The following ADPRHL1 variants were observed in gnomAD, a reference collection of about 807,000 sequenced individuals.
ADPRHL1 encodes inactive ADP-ribosyltransferase ARH2.
ADPRHL1 carries 43 observed loss-of-function variants against 44.1 expected under a neutral mutation model. The ratio of observed to expected loss-of-function variants is 0.98; its 90% CI spans 0.76 to 1.26. The LOEUF (loss-of-function observed/expected upper bound fraction) is 1.26. Ranked by LOEUF, ADPRHL1 falls within the 50% of genes most tolerant of loss-of-function variation. The probability of loss-of-function intolerance (pLI) is 0.00; values close to 1 mark genes in which losing one functional copy is unlikely to be tolerated. For missense variants in ADPRHL1, 2,022 were observed against 2,496.9 expected, an observed-to-expected ratio of 0.81 and a Z score of 4.05; for synonymous variants, 878 against 1,017.4, an observed-to-expected ratio of 0.86 and a Z score of 2.61.
rs1305335716 is a variant in ADPRHL1, at chr13:113,405,021, C to T, written c.4261G>A (p.Asp1421Asn). ...GCCATCCCTTTGTCCCCGGCCAGAT[C>T]CTGTGCCCACCATGTCTGAGGCTCT... ...AKEPQTWWAQ[D>N]LAGDKGMAIG... Residue 1421 changes from aspartate to asparagine, a missense_variant, in exon 8 of 8, where the codon GAT (aspartate) becomes AAT (asparagine). Transcript: ENST00000612156. 2.4e-6 allele frequency: 3 copies of T among 1,232,960 alleles called. No individual in the cohort carries two copies. Among genetic ancestry groups the T allele is most frequent in the Non-Finnish European group, 3.0e-6 (3 of 988,898 alleles). 76.4% of individuals were successfully genotyped at this position (1,232,960 alleles called of 1,614,324 possible). A position where few individuals can be genotyped will look rare whatever the true frequency, so the allele number is the denominator to read the frequency against.
intron 4 of ADPRHL1, among the ~76,000 whole-genome samples, 169 bp downstream of exon 4, chr13:113,428,783 G>T (rs1365882196): frequency 6.6e-6 from 1 of 152,260 alleles, no homozygotes; most frequent in Non-Finnish European, 1.5e-5. Flanking sequence ...CTGGTCAGGA[G>T]CAGCATGGGG....
In ADPRHL1 at chr13:113,453,174, G is replaced by C; in HGVS notation, c.214+50C>G. 1 of 1,598,680 alleles carries C rather than the reference G, an allele frequency of 6.3e-7. No individual in the cohort carries two copies. The highest frequency in any genetic ancestry group is 8.6e-7 in the Non-Finnish European group (1 of 1,167,588). On this transcript the variant is annotated intron_variant, in intron 1 of 7. Transcript: ENST00000612156. This position sits in a 1 kb window ranked among gnomAD's most constrained non-coding sequence, Gnocchi z 5.4. ...GAGGCTTACTGGGAGAACTCGAGCAGCCAGTGTTCCCTCCAGCCCGCACAC... is the reference window on the plus strand; with the variant it reads ...GAGGCTTACTGGGAGAACTCGAGCACCCAGTGTTCCCTCCAGCCCGCACAC...
At chr13:113,447,321 G>A (rs1428132603) in intron 1 of ADPRHL1, among the ~76,000 whole-genome samples, 2 of 146,718 alleles carry the variant, frequency 1.4e-5, no homozygotes, top group Non-Finnish European at 3.0e-5. Flanking sequence ...TACACGCACG[G>A]TGTTGTGTGT....
chr13:113,403,952 CG>C lies in ADPRHL1; in HGVS notation c.5329del (p.Arg1777GlyfsTer10). The C allele has an allele frequency of 7.8e-7, 1 of 1,275,222 alleles. No homozygotes were observed. The highest frequency in any genetic ancestry group is 1.6e-5 in the African/African-American group (1 of 62,932). 79.0% of individuals were successfully genotyped at this position (1,275,222 alleles called of 1,614,324 possible). On this transcript the variant is annotated frameshift_variant, in exon 8 of 8. Coordinates refer to ENST00000612156, the MANE Select transcript of ADPRHL1 (RefSeq NM_001394807.1). LOFTEE classifies it low-confidence loss of function (END_TRUNC). ...GAQEWARDRA[R>X]DQGWEQTQIE... ...CTGGGTCTGCTCCCAGCCCTGATCCCGAGCCCGATCCCGAGCCCATTCCTGA... is the reference window on the plus strand; with the variant it reads ...CTGGGTCTGCTCCCAGCCCTGATCCCAGCCCGATCCCGAGCCCATTCCTGA...
Position 113,406,182 on chromosome 13 carries a change from T to G in ADPRHL1, c.3100A>C (p.Asn1034His). The G allele has an allele frequency of 8.1e-7, 1 of 1,232,160 alleles. No homozygotes were observed. The highest frequency in any genetic ancestry group is 1.0e-6 in the Non-Finnish European group (1 of 988,000). The allele number at this position is 1,232,160 out of a possible 1,614,324, so 76.3% of individuals were successfully genotyped here. A position where few individuals can be genotyped will look rare whatever the true frequency, so the allele number is the denominator to read the frequency against. ...SQQVPSPTGR[N>H]PTGAPTSLAA... is the part of the protein sequence containing the mutation. The stretch of plus-strand genomic sequence containing the variant: ...AGTGACGTGGGGGCTCCTGTTGGGT[T>G]TCTCCCAGTCGGGGACGGCACTTGC... Residue 1034 changes from asparagine to histidine, a missense_variant, in exon 8 of 8, where the codon AAC (asparagine) becomes CAC (histidine). Around this residue, in one of 8 missense-constraint regions of ADPRHL1, gnomAD observed 1,221 missense variants for 1,517.8 expected, o/e 0.80. Transcript: ENST00000612156.
intron 1 of ADPRHL1, among the ~76,000 whole-genome samples, chr13:113,447,611 G>A (rs1274454735): frequency 6.6e-6 from 1 of 152,182 alleles, no homozygotes; most frequent in Non-Finnish European, 1.5e-5. Flanking sequence ...CTGCACACAT[G>A]GTGTTGTGTG....
chr13:113,443,874 C>T (rs375433629), intron 2 of ADPRHL1, among the ~76,000 whole-genome samples: 19 of 149,034 alleles, frequency 1.3e-4, no homozygotes, highest in Admixed American at 3.4e-4. Context: ...ACCCGGGAGG[C>T]GGAGGTTGCA....
chr13:113,416,809 G>C (rs1269294574), intron 7 of ADPRHL1, among the ~76,000 whole-genome samples: 1 of 152,232 alleles, frequency 6.6e-6, no homozygotes, highest in Non-Finnish European at 1.5e-5. Context: ...CTTTTCTGAG[G>C]AATTTCATCT....
chr13:113,433,907 A>G, intron 2 of ADPRHL1, 40 bp from the exon 3 acceptor site: 1 of 1,498,944 alleles, frequency 6.7e-7, no homozygotes, highest in Non-Finnish European at 9.0e-7. Context: ...CTTCTGCTCC[A>G]ATAATTCCAC....
Position 113,441,034 on chromosome 13 carries a change from T to A in ADPRHL1, c.379+3391A>T, listed in dbSNP as rs2044094486. Among the ~76,000 whole-genome samples, 1 of 152,028 alleles carries A rather than the reference T, an allele frequency of 6.6e-6. No individual in the cohort carries two copies. The highest frequency in any genetic ancestry group is 1.5e-5 in the Non-Finnish European group (1 of 67,990). ...CAGGTGTGGTGGTGGGCGCCCGTAG[T>A]CCCAGCTACTTGGGAGGTGGAGGCA... On this transcript the variant is annotated intron_variant, in intron 2 of 7. Coordinates refer to ENST00000612156, the MANE Select transcript of ADPRHL1 (RefSeq NM_001394807.1). The surrounding 1 kb of genome is among the most constrained non-coding windows in gnomAD (Gnocchi z 6.0).
At chr13:113,446,090 A>C in intron 1 of ADPRHL1, among the ~76,000 whole-genome samples, 1 of 137,544 alleles carries the variant, frequency 7.3e-6, no homozygotes, top group Non-Finnish European at 1.5e-5. Flanking sequence ...ACCTCCTACC[A>C]CAGAGAGAGT....
chr13:113,438,028 ACCTTGTTGG>A (rs1019520819), intron 2 of ADPRHL1, among the ~76,000 whole-genome samples: 1 of 151,980 alleles, frequency 6.6e-6, no homozygotes, highest in Non-Finnish European at 1.5e-5. Flanking sequence ...ATGAGGTTTC[ACCTTGTTGG>A]CCAGGCTGGT....
rs1441647471 is a variant in ADPRHL1 at position 113,435,278 on chromosome 13, A to G, written c.380-1411T>C. 2.0e-3 allele frequency among the ~76,000 whole-genome samples: 107 copies of G among 53,832 alleles called. 2 individuals are homozygous for G. Among genetic ancestry groups the G allele is most frequent in the Admixed American group, 8.0e-3 (34 of 4,240 alleles). 35.3% of individuals were successfully genotyped at this position (53,832 alleles called of 152,430 possible). A position where few individuals can be genotyped will look rare whatever the true frequency, so the allele number is the denominator to read the frequency against. ...GTACCCCGGGACCCGGCACCCACGC[A>G]TAGAGTGAACATAGGTGTACCCTGT... On this transcript the variant is annotated intron_variant, in intron 2 of 7. Coordinates refer to ENST00000612156, the MANE Select transcript of ADPRHL1 (RefSeq NM_001394807.1).
intron 7 of ADPRHL1, among the ~76,000 whole-genome samples, chr13:113,421,300 A>G (rs1162009647): frequency 2.6e-4 from 4 of 15,146 alleles, no homozygotes; most frequent in African/African-American, 9.9e-4. Flanking sequence ...GGACACGCCC[A>G]CTCCCGGGAC....
At position 113,448,906 on chromosome 13, in the gene ADPRHL1, G is replaced by C. The variant is rs940294075; in HGVS notation, c.215-4317C>G. On this transcript the variant is annotated intron_variant, in intron 1 of 7. Transcript: ENST00000612156. ...TCCCCAGTTTTCCCAGGGAGTGGGG[G>C]TAGGGAGCTGGGAATGGCCAGCTGC... The C allele has an allele frequency of 1.5e-5, 15 of 976,948 alleles. No individual in the cohort carries two copies. In the African/African-American group the frequency reaches 2.6e-4, roughly 17 times the overall value. 60.5% of individuals were successfully genotyped at this position (976,948 alleles called of 1,614,324 possible).
chr13:113,428,391 G>A (rs9577548), intron 4 of ADPRHL1, among the ~76,000 whole-genome samples: 51,251 of 152,060 alleles, frequency 0.34, 10,364 homozygotes, highest in East Asian at 0.69. Flanking sequence ...ATGCAAGGAC[G>A]CCAAAGGCTG....
rs984654958 is a variant in ADPRHL1, at chr13:113,420,614, G to A, written c.1061+2212C>T. ...GGTGCTGGGACCACACTCCATGGAC[G>A]TGTGTGACGTGAGGCCCTTCGCCCC... On this transcript the variant is annotated intron_variant, in intron 7 of 7. Coordinates refer to ENST00000612156, the MANE Select transcript of ADPRHL1 (RefSeq NM_001394807.1). Among the ~76,000 whole-genome samples, 5 of 152,056 alleles carry A rather than the reference G, an allele frequency of 3.3e-5. No individual in the cohort carries two copies. The East Asian group carries it at 5.8e-4, about 18-fold the overall frequency.
chr13:113,409,846 A>G lies in ADPRHL1; in HGVS notation c.1062-1626T>C, dbSNP rs563943747. On this transcript the variant is annotated intron_variant, in intron 7 of 7. Transcript: ENST00000612156. This position sits in a 1 kb window ranked among gnomAD's most constrained non-coding sequence, Gnocchi z 4.2. ...AGAGCTTGCAGTGAGCCGAGATCGC[A>G]CCACTGCACTCCAGCCTGAGCGACA... The G allele has an allele frequency of 2.1e-3, 1,762 of 843,592 alleles. 19 individuals carry two copies. The African/African-American group carries it at 0.025, about 12-fold the overall frequency. 52.3% of individuals were successfully genotyped at this position (843,592 alleles called of 1,614,324 possible).
intron 1 of ADPRHL1, among the ~76,000 whole-genome samples, chr13:113,450,207 T>G (rs1275523777): frequency 2.0e-5 from 3 of 152,218 alleles, no homozygotes; most frequent in Non-Finnish European, 4.4e-5. Context: ...CGTGAGCCAC[T>G]GTGCCCAGCC....
Sources: allele counts gnomAD v4.1 joint callset (sites outside exome capture counted in the v4.1 genomes callset), GRCh38; gene constraint gnomAD v4.1.1; regional missense constraint gnomAD v4.1.1; non-coding constraint Gnocchi (gnomAD v3.1); transcripts MANE v1.5; gene names NCBI Gene and HGNC (gene_info 2026-07-23, HGNC 2026-07-21).